Variants in TFPI2 observed in about 807,000 individuals in gnomAD.
TFPI2 encodes tissue factor pathway inhibitor 2.
A neutral mutation model predicts 23.1 loss-of-function variants in TFPI2; 23 were observed. The ratio of observed to expected loss-of-function variants is 1.00; its 90% CI spans 0.72 to 1.41. TFPI2 has a LOEUF of 1.41. Among genes scored for constraint, TFPI2 ranks in the 40% most tolerant of loss-of-function variants. TFPI2 has a pLI of 0.00. For missense variants in TFPI2, 291 were observed against 299.6 expected (o/e 0.97, Z 0.21); for synonymous variants, 119 against 111.7 (o/e 1.07, Z -0.41).
rs1473845857 is a variant in TFPI2 at position 93,890,737 on chromosome 7, G to T, written c.-59C>A. The T allele has an allele frequency of 1.3e-5, 20 of 1,512,102 alleles. No homozygotes were observed. The East Asian group carries it at 4.3e-4, about 33-fold the overall frequency. The allele number at this position is 1,512,102 out of a possible 1,614,324, so 93.7% of individuals were successfully genotyped here. Reference sequence around the variant, plus strand: ...CGTCCGAGAAAGCGCCTGGCGGGAGGAGGTGCGCGGCTTTCTGCTCCAGGC... The same window carrying T: ...CGTCCGAGAAAGCGCCTGGCGGGAGTAGGTGCGCGGCTTTCTGCTCCAGGC... On this transcript the variant is annotated 5_prime_UTR_variant, in exon 1 of 5. Coordinates refer to ENST00000222543, the MANE Select transcript of TFPI2 (RefSeq NM_006528.4).
Position 93,886,646 on chromosome 7 carries a change from A to G in TFPI2, c.*174T>C. 1 of 481,974 alleles carries G rather than the reference A, an allele frequency of 2.1e-6. No individual in the cohort carries two copies. Among genetic ancestry groups the G allele is most frequent in the Non-Finnish European group, 3.6e-6 (1 of 278,958 alleles). 29.9% of individuals were successfully genotyped at this position (481,974 alleles called of 1,614,324 possible). A position where few individuals can be genotyped will look rare whatever the true frequency, so the allele number is the denominator to read the frequency against. ...AAAAATGGTAGACTCACATTTGAATAGCAGCTAGTTATATATAAAAAAATC... is the reference window on the plus strand; with the variant it reads ...AAAAATGGTAGACTCACATTTGAATGGCAGCTAGTTATATATAAAAAAATC... On this transcript the variant is annotated 3_prime_UTR_variant, in exon 5 of 5. Coordinates refer to ENST00000222543, the MANE Select transcript of TFPI2 (RefSeq NM_006528.4).
At chr7:93,888,753 G>C (rs1313730944) in intron 3 of TFPI2, among the ~76,000 whole-genome samples, 1 of 152,068 alleles carries the variant, frequency 6.6e-6, no homozygotes, top group Non-Finnish European at 1.5e-5. Flanking sequence ...CTTGAACCCG[G>C]GAGGCAGAGG....
rs1446310696 is a variant in TFPI2, at chr7:93,885,763, T to C, written c.*1057A>G. ...GCATCATTCAAAGTTCTCAGGCATA[T>C]ACCTATTTGTCAAAATAACTGGGAT... is the stretch of plus-strand genomic sequence containing the variant. On this transcript the variant is annotated 3_prime_UTR_variant, in exon 5 of 5. Transcript: ENST00000222543. The C allele has an allele frequency of 1.3e-5, 2 of 152,080 alleles. No individual in the cohort carries two copies. Among genetic ancestry groups the C allele is most frequent in the Non-Finnish European group, 1.5e-5 (1 of 67,914 alleles). 9.4% of individuals were successfully genotyped at this position (152,080 alleles called of 1,614,324 possible). A position where few individuals can be genotyped will look rare whatever the true frequency, so the allele number is the denominator to read the frequency against.
At chr7:93,887,055 TAAG>T (rs1295962030) in intron 4 of TFPI2, among the ~76,000 whole-genome samples, 159 bp from the exon 5 acceptor site, 1 of 152,146 alleles carries the variant, frequency 6.6e-6, no homozygotes, top group East Asian at 1.9e-4. Context: ...ATTTTACCTT[TAAG>T]ATATGAAGAT....
intron 3 of TFPI2, among the ~76,000 whole-genome samples, chr7:93,888,591 G>GAAAC (rs1794056661): frequency 1.1e-5 from 1 of 94,296 alleles, no homozygotes; most frequent in Non-Finnish European, 2.1e-5. Flanking sequence ...GAAGGAAAGA[G>GAAAC]AAAGAAAGAA....
chr7:93,888,584 G>GA (rs1562778485), intron 3 of TFPI2, among the ~76,000 whole-genome samples: 55 of 81,446 alleles, frequency 6.8e-4, no homozygotes, highest in Middle Eastern at 5.9e-3. Flanking sequence ...AAGGAAGGAA[G>GA]GAAAGAGAAA....
chr7:93,885,517 T>TG lies in TFPI2; in HGVS notation c.*1302dup, dbSNP rs1346747037. Reference sequence around the variant, plus strand: ...TTATCTCCACAACTGTCCACCCCTCTGTTCTCTCCAAACCTCTATAGGTAA... The same window carrying TG: ...TTATCTCCACAACTGTCCACCCCTCTGGTTCTCTCCAAACCTCTATAGGTAA... On this transcript the variant is annotated 3_prime_UTR_variant, in exon 5 of 5. Transcript: ENST00000222543. 1.3e-5 allele frequency: 2 copies of TG among 152,096 alleles called. No homozygotes were observed. Among genetic ancestry groups the TG allele is most frequent in the African/African-American group, 2.4e-5 (1 of 41,454 alleles). 9.4% of individuals were successfully genotyped at this position (152,096 alleles called of 1,614,324 possible).
chr7:93,888,545 G>GAAGGAAGGAAGGAAGGAAGA (rs2115845355), intron 3 of TFPI2, among the ~76,000 whole-genome samples: 1 of 35,060 alleles, frequency 2.9e-5, no homozygotes, highest in African/African-American at 9.1e-5. Context: ...AGGAAGGAAA[G>GAAGGAAGGAAGGAAGGAAGA]AAGGAAGGAA....
rs1044592468 is a variant in TFPI2, at chr7:93,885,932, T to G, written c.*888A>C. The G allele has an allele frequency of 2.0e-5, 3 of 152,084 alleles. No individual in the cohort carries two copies. Among genetic ancestry groups the G allele is most frequent in the African/African-American group, 4.8e-5 (2 of 41,454 alleles). The allele number at this position is 152,084 out of a possible 1,614,324, so 9.4% of individuals were successfully genotyped here. The stretch of plus-strand genomic sequence containing the variant: ...TTTTATTACAGAGAAAGAAAAAACC[T>G]ATTTCATTGGTATGACCATATTTAA... On this transcript the variant is annotated 3_prime_UTR_variant, in exon 5 of 5. Transcript: ENST00000222543.
Position 93,890,132 on chromosome 7 carries a change from C to A in TFPI2, c.271+5G>T, listed in dbSNP as rs1249752009. ...GAGAGTCCTGGGTGCGCGCAGGGCA[C>A]TTACTTTCTATCCTCCAGCAAGCAT... On this transcript the variant is annotated splice_donor_5th_base_variant and intron_variant, in intron 2 of 4. Coordinates refer to ENST00000222543, the MANE Select transcript of TFPI2 (RefSeq NM_006528.4). 1.3e-6 allele frequency: 2 copies of A among 1,591,792 alleles called. No homozygotes were observed. The highest frequency in any genetic ancestry group is 1.7e-6 in the Non-Finnish European group (2 of 1,163,940).
intron 3 of TFPI2, among the ~76,000 whole-genome samples, chr7:93,887,912 T>C (rs1422016398): frequency 6.6e-6 from 1 of 152,230 alleles, no homozygotes; most frequent in Admixed American, 6.5e-5. Flanking sequence ...ACAGTAACCA[T>C]CACCACATTA....
chr7:93,889,477 T>C (rs1794082836), intron 2 of TFPI2, among the ~76,000 whole-genome samples: 1 of 152,178 alleles, frequency 6.6e-6, no homozygotes, highest in Non-Finnish European at 1.5e-5. Context: ...TGTTCTCTGA[T>C]TGTACATATG....
rs1020921226 is a variant in TFPI2, at chr7:93,885,694, A to G, written c.*1126T>C. 17 of 152,024 alleles carry G rather than the reference A, an allele frequency of 1.1e-4. No individual in the cohort carries two copies. Among genetic ancestry groups the G allele is most frequent in the African/African-American group, 3.9e-4 (16 of 41,418 alleles). The allele number at this position is 152,024 out of a possible 1,614,324, so 9.4% of individuals were successfully genotyped here. A position where few individuals can be genotyped will look rare whatever the true frequency, so the allele number is the denominator to read the frequency against. ...TAACTCCTCATCCATAAAATCTTCA[A>G]CCAGTCCCTGACTGAAGAGTACCTG... On this transcript the variant is annotated 3_prime_UTR_variant, in exon 5 of 5. Coordinates refer to ENST00000222543, the MANE Select transcript of TFPI2 (RefSeq NM_006528.4).
Position 93,886,902 on chromosome 7 carries a change from A to G in TFPI2, c.632-6T>C. 1 of 1,538,966 alleles carries G rather than the reference A, an allele frequency of 6.5e-7. No homozygotes were observed. Among genetic ancestry groups the G allele is most frequent in the Middle Eastern group, 1.7e-4 (1 of 5,848 alleles). On this transcript the variant is annotated splice_region_variant and splice_polypyrimidine_tract_variant and intron_variant, in intron 4 of 4. Coordinates refer to ENST00000222543, the MANE Select transcript of TFPI2 (RefSeq NM_006528.4). ...CTTCTTTTTCTTTTTCAAAGCTAAA[A>G]TCAATAAAACGACAATGAAAATCAT...
At chr7:93,887,148 G>C (rs73227485) in intron 4 of TFPI2, 113 bp downstream of exon 4, 9 of 1,060,510 alleles carry the variant, frequency 8.5e-6, no homozygotes, top group Admixed American at 2.9e-5. Flanking sequence ...TTATGTAGAA[G>C]TAGTCTAGAA....
rs569465201 is a variant in TFPI2, at chr7:93,887,152, T to A, written c.631+109A>T. ...TACGGAGATACTTATGTAGAAGTAG[T>A]CTAGAAACAGCAATTTGCTATTAGT... On this transcript the variant is annotated intron_variant, in intron 4 of 4. Coordinates refer to ENST00000222543, the MANE Select transcript of TFPI2 (RefSeq NM_006528.4). The A allele has an allele frequency of 7.1e-6, 8 of 1,131,350 alleles. No individual in the cohort carries two copies. In the Admixed American group the frequency reaches 1.1e-4, roughly 16 times the overall value. The allele number at this position is 1,131,350 out of a possible 1,614,324, so 70.1% of individuals were successfully genotyped here.
At chr7:93,888,593 A>AGGAAGGAAAG in intron 3 of TFPI2, among the ~76,000 whole-genome samples, 1 of 115,822 alleles carries the variant, frequency 8.6e-6, no homozygotes, top group Non-Finnish European at 1.8e-5. Flanking sequence ...AGGAAAGAGA[A>AGGAAGGAAAG]AGAAAGAAAG....
chr7:93,889,745 T>C (rs930730985), intron 2 of TFPI2, among the ~76,000 whole-genome samples: 6 of 152,178 alleles, frequency 3.9e-5, no homozygotes, highest in Non-Finnish European at 1.5e-5. Flanking sequence ...ATATTTCAGA[T>C]TGATGGATAA....
Position 93,889,767 on chromosome 7 carries a change from A to G in TFPI2, c.271+370T>C, listed in dbSNP as rs536253898. Among the ~76,000 whole-genome samples, 7 of 152,360 alleles carry G rather than the reference A, an allele frequency of 4.6e-5. No homozygotes were observed. The East Asian group carries it at 1.3e-3, about 29-fold the overall frequency. ...AGATTGATGGATAATCGACAGAAGG[A>G]AATGATGTACTCCAGGAGAGATAAA... On this transcript the variant is annotated intron_variant, in intron 2 of 4. Transcript: ENST00000222543.
Sources: allele counts gnomAD v4.1 joint callset (sites outside exome capture counted in the v4.1 genomes callset), GRCh38; gene constraint gnomAD v4.1.1; transcripts MANE v1.5; gene names NCBI Gene and HGNC (gene_info 2026-07-23, HGNC 2026-07-21).